ACADS: variants seen among roughly 807,000 people sequenced by gnomAD.
ACADS encodes the protein short-chain specific acyl-CoA dehydrogenase, mitochondrial.
Under a neutral mutation model 46.8 loss-of-function variants are expected in ACADS, and 28 were observed. The observed-to-expected ratio is 0.60, with a 90% CI of 0.44 to 0.82. ACADS has a LOEUF of 0.82. Among genes scored for constraint, ACADS ranks in the 40% least tolerant of loss-of-function variants. The pLI is 0.00. For missense variants in ACADS, 528 were observed against 578.0 expected, an observed-to-expected ratio of 0.91 and a Z score of 0.89; for synonymous variants, 236 against 237.7, an observed-to-expected ratio of 0.99 and a Z score of 0.07.
chr12:120,732,309 G>T (rs551488333), intron 2 of ACADS, among the ~76,000 whole-genome samples: 4 of 150,382 alleles, frequency 2.7e-5, no homozygotes, highest in Non-Finnish European at 4.4e-5. Flanking sequence ...CCGGGCGGGG[G>T]CTGCCCCCAA....
rs867152538 is a variant in ACADS at position 120,728,667 on chromosome 12, C to T, written c.210+1478C>T. Among the ~76,000 whole-genome samples the T allele has an allele frequency of 5.3e-5, 8 of 151,778 alleles. No individual in the cohort carries two copies. The highest frequency in any genetic ancestry group is 3.4e-3 in the Middle Eastern group (1 of 292). On this transcript the variant is annotated intron_variant, in intron 2 of 9. Coordinates refer to ENST00000242592, the MANE Select transcript of ACADS (RefSeq NM_000017.4). The surrounding 1 kb of genome is among the most constrained non-coding windows in gnomAD (Gnocchi z 4.0). ...GATTACAGGCGCACACCACCATACCCGGCTAATTTTATGTATTTTAGTAGA... is the reference window on the plus strand; with the variant it reads ...GATTACAGGCGCACACCACCATACCTGGCTAATTTTATGTATTTTAGTAGA...
chr12:120,738,067 C>A (rs768262045), intron 5 of ACADS, 79 bp downstream of exon 5: 1 of 1,602,982 alleles, frequency 6.2e-7, no homozygotes, highest in East Asian at 2.2e-5. Context: ...CTCCTTGGCC[C>A]GACTGGACCT....
chr12:120,726,939 A>C (rs185422623), intron 1 of ACADS, 87 bp from the exon 2 acceptor site: 2 of 1,526,228 alleles, frequency 1.3e-6, no homozygotes, highest in Non-Finnish European at 9.0e-7. Context: ...TTGGAGGGCA[A>C]AATCCTCCCT....
chr12:120,737,614 C>G, intron 4 of ACADS, 147 bp downstream of exon 4: 1 of 1,050,930 alleles, frequency 9.5e-7, no homozygotes, highest in South Asian at 1.4e-5. Context: ...GCCACCGCGG[C>G]GCTGGGAGGA....
intron 2 of ACADS, among the ~76,000 whole-genome samples, chr12:120,730,748 A>G (rs1282470086): frequency 6.6e-6 from 1 of 151,732 alleles, no homozygotes; most frequent in African/African-American, 2.4e-5. Context: ...TGTGCCATTT[A>G]TTCCAGGGTT....
intron 2 of ACADS, among the ~76,000 whole-genome samples, chr12:120,735,262 ACT>A (rs1478823745): frequency 7.8e-6 from 1 of 127,850 alleles, no homozygotes; most frequent in African/African-American, 3.0e-5. Flanking sequence ...ACAAAGTGAG[ACT>A]CTGTTTCAAA....
chr12:120,738,749 C>T, intron 7 of ACADS, 71 bp from the exon 8 acceptor site: 3 of 1,610,724 alleles, frequency 1.9e-6, no homozygotes, highest in Non-Finnish European at 2.5e-6. Flanking sequence ...TGCTCTCCGT[C>T]CTCCTCCCCC....
At chr12:120,729,842 G>A (rs1009789920) in intron 2 of ACADS, among the ~76,000 whole-genome samples, 1 of 152,192 alleles carries the variant, frequency 6.6e-6, no homozygotes, top group Non-Finnish European at 1.5e-5. Flanking sequence ...CAGGCTCTGG[G>A]ATGGGATGGA....
At chr12:120,734,468 C>T (rs1175134596) in intron 2 of ACADS, among the ~76,000 whole-genome samples, 5 of 152,172 alleles carry the variant, frequency 3.3e-5, no homozygotes, top group Admixed American at 1.3e-4. Context: ...GATGACGCTC[C>T]GCCCCGCACT....
chr12:120,731,462 T>TG (rs1425357382), intron 2 of ACADS, among the ~76,000 whole-genome samples: 2 of 150,188 alleles, frequency 1.3e-5, no homozygotes, highest in Admixed American at 1.3e-4. Flanking sequence ...ATAGTTTTTT[T>TG]TTTTTTTTTT....
intron 2 of ACADS, among the ~76,000 whole-genome samples, chr12:120,732,964 A>G (rs1883308913): frequency 6.6e-6 from 1 of 152,266 alleles, no homozygotes; most frequent in Non-Finnish European, 1.5e-5. Flanking sequence ...CTCCGTCTGC[A>G]ATCCCGGCAC....
intron 5 of ACADS, 122 bp from the exon 6 acceptor site, chr12:120,738,158 G>C (rs1883518582): frequency 3.2e-6 from 5 of 1,576,734 alleles, no homozygotes; most frequent in Non-Finnish European, 3.4e-6. Flanking sequence ...GAAGCCGGCA[G>C]AGGGTGTCAA....
chr12:120,733,523 C>T (rs1361928564), intron 2 of ACADS, among the ~76,000 whole-genome samples: 2 of 139,238 alleles, frequency 1.4e-5, no homozygotes, highest in African/African-American at 5.0e-5. Context: ...CTTCCCCTTC[C>T]CTAGTTGGTT....
chr12:120,739,398 A>T lies in ACADS; in HGVS notation c.1189A>T (p.Ile397Phe). 1 of 1,612,664 alleles carries T rather than the reference A, an allele frequency of 6.2e-7. No individual in the cohort carries two copies. Among genetic ancestry groups the T allele is most frequent in the African/African-American group, 1.3e-5 (1 of 75,018 alleles). Residue 397 changes from isoleucine to phenylalanine, a missense_variant, in exon 10 of 10, where the codon ATC becomes TTC. Physicochemically the swap from Ile to Phe is conservative, Grantham distance 21. Transcript: ENST00000242592. ...TGAGATCTACGAGGGCACCAGCGAA[A>T]TCCAGCGGCTGGTGATCGCCGGGCA... ...ITEIYEGTSE[I>F]QRLVIAGHLL...
At position 120,739,975 on chromosome 12, in the gene ACADS, A is replaced by G. The variant is rs9204; in HGVS notation, c.*527A>G. 50,405 of 168,110 alleles carry G rather than the reference A, an allele frequency of 0.3. 8,402 individuals carry two copies. Among genetic ancestry groups the G allele is most frequent in the Admixed American group, 0.42 (7,489 of 17,648 alleles). The allele number at this position is 168,110 out of a possible 1,614,324, so 10.4% of individuals were successfully genotyped here. On this transcript the variant is annotated 3_prime_UTR_variant, in exon 10 of 10. Coordinates refer to ENST00000242592, the MANE Select transcript of ACADS (RefSeq NM_000017.4). ...CAGGGGTGGTGATTCATGCTGTGTG[A>G]CTGACTGTGGGTAATAAACACACCT...
Position 120,737,944 on chromosome 12 carries a change from G to A in ACADS, c.580G>A (p.Ala194Thr). The part of the protein sequence containing the change: ...AWITNAWEAS[A>T]AVVFASTDRA... ...GATCACCAATGCCTGGGAGGCTTCG[G>A]CTGCCGTGGTCTTTGCCAGCACGGA... The change falls in exon 5 of 10, where the codon GCT (alanine) becomes ACT (threonine). Residue 194 changes from alanine (A) to threonine (T), a missense_variant. Transcript: ENST00000242592. The A allele has an allele frequency of 6.2e-7, 1 of 1,614,116 alleles. No homozygotes were observed.
chr12:120,725,993 G>A lies in ACADS; in HGVS notation c.46+62G>A. ...CCCGCGTCTGGCCCAGCGGGCGGAGGTCCTGGCGGCCGGCTCTGTCAGAGC... is the reference window on the plus strand; with the variant it reads ...CCCGCGTCTGGCCCAGCGGGCGGAGATCCTGGCGGCCGGCTCTGTCAGAGC... On this transcript the variant is annotated intron_variant, in intron 1 of 9. Transcript: ENST00000242592. 15 of 1,464,332 alleles carry A rather than the reference G, an allele frequency of 1.0e-5. No individual in the cohort carries two copies. The South Asian group carries it at 1.8e-4, about 18-fold the overall frequency. The allele number at this position is 1,464,332 out of a possible 1,614,324, so 90.7% of individuals were successfully genotyped here.
chr12:120,739,442 G>T lies in ACADS; in HGVS notation c.1233G>T (p.Arg411=). 1 of 1,609,414 alleles carries T rather than the reference G, an allele frequency of 6.2e-7. No homozygotes were observed. The highest frequency in any genetic ancestry group is 1.1e-5 in the South Asian group (1 of 91,012). ...VIAGHLLRSY[R]S is the part of the protein sequence containing the mutation. ...CCGGGCATCTGCTCAGGAGCTACCG[G>T]AGCTGAGCCCGCGGCGGACTGCCCC... Residue 411 remains arginine (R), a synonymous_variant, in exon 10 of 10, where the codon CGG becomes CGT. Transcript: ENST00000242592.
At chr12:120,727,723 A>G (rs1174337244) in intron 2 of ACADS, among the ~76,000 whole-genome samples, 2 of 151,980 alleles carry the variant, frequency 1.3e-5, no homozygotes, top group African/African-American at 4.8e-5. Context: ...TTTAGTAAAG[A>G]CGGCGTTTCA....
Sources: gnomAD v4.1 joint callset for allele counts (sites outside exome capture counted in the v4.1 genomes callset) on GRCh38, gnomAD v4.1.1 for gene constraint, Gnocchi (gnomAD v3.1) non-coding constraint, MANE v1.5 for transcripts, NCBI Gene and HGNC (gene_info 2026-07-23, HGNC 2026-07-21) for gene names.